The following FRMD4A variants were observed in gnomAD, a reference collection of about 807,000 sequenced individuals.
FRMD4A encodes FERM domain containing 4A.
In FRMD4A, 29 loss-of-function variants were observed where a neutral mutation model predicts 129.1. The ratio of observed to expected loss-of-function variants is 0.22; its 90% CI spans 0.17 to 0.31. FRMD4A has a LOEUF of 0.31. Among genes scored for constraint, FRMD4A ranks in the 10% least tolerant of loss-of-function variants. The probability of loss-of-function intolerance (pLI) is 1.00; values close to 1 mark genes in which losing one functional copy is unlikely to be tolerated. For synonymous variants in FRMD4A, 634 were observed against 571.6 expected (o/e 1.11, Z -1.56); for missense variants, 1,272 against 1,375.8 (o/e 0.92, Z 1.19).
intron 2 of FRMD4A, among the ~76,000 whole-genome samples, chr10:13,949,731 C>T (rs146500372): frequency 7.9e-5 from 12 of 152,276 alleles, no homozygotes; most frequent in East Asian, 1.9e-4. Flanking sequence ...ATTTTATAGA[C>T]GAGGGCACTA....
At chr10:13,763,946 G>C (rs1292431849) in intron 6 of FRMD4A, among the ~76,000 whole-genome samples, 1 of 152,052 alleles carries the variant, frequency 6.6e-6, no homozygotes, top group African/African-American at 2.4e-5. Flanking sequence ...TGGCCAGGCT[G>C]GTCTGGAACT....
intron 3 of FRMD4A, among the ~76,000 whole-genome samples, chr10:13,831,634 T>G (rs1482195387): frequency 6.6e-6 from 1 of 152,168 alleles, no homozygotes; most frequent in Admixed American, 6.5e-5. Context: ...CTGGACACCA[T>G]GGAGTTAAAT....
chr10:14,012,105 A>T (rs187946649), intron 2 of FRMD4A, among the ~76,000 whole-genome samples: 8 of 151,778 alleles, frequency 5.3e-5, no homozygotes, highest in African/African-American at 1.7e-4. Flanking sequence ...AGTGGATGAC[A>T]CGGTACCCTC....
intron 2 of FRMD4A, among the ~76,000 whole-genome samples, chr10:14,222,396 C>T (rs1054981896): frequency 3.9e-5 from 6 of 152,244 alleles, no homozygotes; most frequent in African/African-American, 9.6e-5. Context: ...CCCTGCTGAG[C>T]GTACCTGGAG....
At chr10:14,169,332 G>C (rs1212436148) in intron 2 of FRMD4A, among the ~76,000 whole-genome samples, 1 of 152,148 alleles carries the variant, frequency 6.6e-6, no homozygotes, top group Non-Finnish European at 1.5e-5. Flanking sequence ...CCTAGTGTAA[G>C]AACATGTCAA....
intron 5 of FRMD4A, among the ~76,000 whole-genome samples, chr10:13,785,697 A>C (rs777809764): frequency 6.6e-6 from 1 of 152,164 alleles, no homozygotes; most frequent in Non-Finnish European, 1.5e-5. Context: ...ATGTATACAT[A>C]TGCCATGTTG....
At chr10:14,328,061 A>T (rs10796181) in intron 2 of FRMD4A, among the ~76,000 whole-genome samples, 67,242 of 151,962 alleles carry the variant, frequency 0.44, 15,609 homozygotes, top group Non-Finnish European at 0.52. Context: ...AATAGCACCA[A>T]AGTCCATAGG....
intron 15 of FRMD4A, among the ~76,000 whole-genome samples, chr10:13,691,295 A>T (rs1215120539): frequency 6.6e-6 from 1 of 152,074 alleles, no homozygotes; most frequent in Non-Finnish European, 1.5e-5. Flanking sequence ...GCCAGATTTC[A>T]TTTCTGATGG....
At chr10:13,884,122 T>A (rs59455866) in intron 2 of FRMD4A, among the ~76,000 whole-genome samples, 7,362 of 75,510 alleles carry the variant, frequency 0.097, 394 homozygotes, top group Non-Finnish European at 0.12. Context: ...ACACACACAC[T>A]CACACACACG....
At chr10:14,288,330 T>A (rs941758735) in intron 2 of FRMD4A, among the ~76,000 whole-genome samples, 1 of 151,882 alleles carries the variant, frequency 6.6e-6, no homozygotes, top group African/African-American at 2.4e-5. Flanking sequence ...GAGCTGGAGG[T>A]GGTGGGGGCT....
chr10:14,084,674 C>A (rs1347396636), intron 2 of FRMD4A, among the ~76,000 whole-genome samples: 1 of 152,188 alleles, frequency 6.6e-6, no homozygotes, highest in Non-Finnish European at 1.5e-5. Context: ...CAGGGTCCTG[C>A]CATATGGGAC....
intron 2 of FRMD4A, among the ~76,000 whole-genome samples, chr10:14,162,361 G>C (rs1248350643): frequency 6.6e-6 from 1 of 152,204 alleles, no homozygotes; most frequent in African/African-American, 2.4e-5. Flanking sequence ...GTTGCTCCCA[G>C]TGACATTTTG....
chr10:13,740,792 A>G (rs1196295806), intron 9 of FRMD4A, among the ~76,000 whole-genome samples: 1 of 147,182 alleles, frequency 6.8e-6, no homozygotes, highest in African/African-American at 2.5e-5. Flanking sequence ...TGTTTTCCCC[A>G]CAAAGGACTT....
At chr10:14,285,502 G>A (rs942727248) in intron 2 of FRMD4A, among the ~76,000 whole-genome samples, 2 of 152,214 alleles carry the variant, frequency 1.3e-5, no homozygotes, top group Non-Finnish European at 2.9e-5. Context: ...GGAGGCATGT[G>A]GAAAGCAAAA....
chr10:13,946,298 C>T (rs1291670916), intron 2 of FRMD4A, among the ~76,000 whole-genome samples: 1 of 152,200 alleles, frequency 6.6e-6, no homozygotes, highest in African/African-American at 2.4e-5. Context: ...AGGCTAGAAC[C>T]AGGAAGTTGA....
rs534411383 is a variant in FRMD4A, at chr10:14,128,046, C to CTCTTTCTTTCTT, written c.45+202000_45+202011dup. On this transcript the variant is annotated intron_variant, in intron 2 of 24. Transcript: ENST00000357447. ...TTCCTTCCTTCCTTCCTTTCTTTCC[C>CTCTTTCTTTCTT]TCTTTCTTTCTTTCTTTCTTTCTTT... Among the ~76,000 whole-genome samples the CTCTTTCTTTCTT allele has an allele frequency of 2.5e-3, 198 of 78,040 alleles. 3 individuals are homozygous for CTCTTTCTTTCTT. Among genetic ancestry groups the CTCTTTCTTTCTT allele is most frequent in the Admixed American group, 5.2e-3 (32 of 6,160 alleles). The allele number at this position is 78,040 out of a possible 152,430, so 51.2% of individuals were successfully genotyped here.
intron 2 of FRMD4A, among the ~76,000 whole-genome samples, chr10:14,292,532 G>C (rs1381562677): frequency 6.6e-6 from 1 of 152,226 alleles, no homozygotes; most frequent in Non-Finnish European, 1.5e-5. Context: ...GGGCATGGTG[G>C]CTCACGCCTG....
At chr10:13,811,137 T>C (rs11258632) in intron 3 of FRMD4A, among the ~76,000 whole-genome samples, 33,974 of 136,566 alleles carry the variant, frequency 0.25, 3,971 homozygotes, top group South Asian at 0.32. Flanking sequence ...CCTAGAAGGG[T>C]TTTTTTTTTT....
chr10:14,074,719 G>A (rs1158561706), intron 2 of FRMD4A: 10 of 152,176 alleles, frequency 6.6e-5, no homozygotes, highest in Admixed American at 5.2e-4. Flanking sequence ...AAGGTGTCCA[G>A]GAACTCGTTG....
Sources: gnomAD v4.1 joint callset for allele counts (sites outside exome capture counted in the v4.1 genomes callset) on GRCh38, gnomAD v4.1.1 for gene constraint, MANE v1.5 for transcripts, NCBI Gene and HGNC (gene_info 2026-07-23, HGNC 2026-07-21) for gene names.